The following PAK3 variants were observed in gnomAD, a reference collection of about 807,000 sequenced individuals.
PAK3 encodes p21 (RAC1) activated kinase 3, also known as serine/threonine-protein kinase PAK 3.
PAK3 carries 4 observed loss-of-function variants against 41.0 expected under a neutral mutation model. The ratio of observed to expected loss-of-function variants is 0.10; its 90% CI spans 0.05 to 0.22. The LOEUF (loss-of-function observed/expected upper bound fraction) is 0.22, where lower values mean the gene tolerates loss of function less well. Among genes scored for constraint, PAK3 ranks in the 10% least tolerant of loss-of-function variants. The pLI is 1.00. For synonymous variants in PAK3, 146 were observed against 139.6 expected (o/e 1.05, Z -0.32); for missense variants, 205 against 409.9 (o/e 0.50, Z 4.32).
chrX:111,062,576 G>A (rs1457595792), intron 1 of PAK3, among the ~76,000 whole-genome samples: 2 of 111,981 alleles, frequency 1.8e-5, no homozygotes, highest in Non-Finnish European at 3.8e-5. Context: ...TTCCCAGAGA[G>A]AGGTCTCTGG....
At chrX:111,019,374 A>G (rs756563712) in intron 1 of PAK3, among the ~76,000 whole-genome samples, 1 of 110,092 alleles carries the variant, frequency 9.1e-6, no homozygotes, top group African/African-American at 3.3e-5. Context: ...TTGTAAACTC[A>G]ACAACAACCA....
At chrX:110,954,127 A>C (rs747119863) in intron 1 of PAK3, among the ~76,000 whole-genome samples, 1 of 111,703 alleles carries the variant, frequency 9.0e-6, no homozygotes, top group Non-Finnish European at 1.9e-5. Flanking sequence ...TCTAAATGCC[A>C]AAAAGAAAGG....
intron 1 of PAK3, among the ~76,000 whole-genome samples, chrX:111,067,678 C>T (rs919627411): frequency 6.3e-5 from 7 of 111,851 alleles, no homozygotes; most frequent in African/African-American, 2.3e-4. Context: ...TATTTAATTA[C>T]TTTAATAAAT....
intron 1 of PAK3, among the ~76,000 whole-genome samples, chrX:110,977,155 C>T: frequency 9.1e-6 from 1 of 110,487 alleles, no homozygotes; most frequent in East Asian, 2.8e-4. Flanking sequence ...AAAGCATTCA[C>T]TCTTTCACCA....
At chrX:111,063,983 A>T (rs2092681147) in intron 1 of PAK3, among the ~76,000 whole-genome samples, 1 of 111,732 alleles carries the variant, frequency 8.9e-6, no homozygotes, top group Admixed American at 9.5e-5. Flanking sequence ...CTACAAAATT[A>T]TCCTGGTTTC....
chrX:111,210,542 A>C (rs2094808126), intron 16 of PAK3, among the ~76,000 whole-genome samples: 1 of 112,015 alleles, frequency 8.9e-6, no homozygotes, highest in East Asian at 2.8e-4. Context: ...CTTAGATTTT[A>C]ATAGGTCACT....
At chrX:111,044,400 A>T in intron 1 of PAK3, among the ~76,000 whole-genome samples, 1 of 112,125 alleles carries the variant, frequency 8.9e-6, no homozygotes, top group Non-Finnish European at 1.9e-5. Context: ...CCAAGGGGAA[A>T]CCTTGCTTTG....
intron 1 of PAK3, among the ~76,000 whole-genome samples, chrX:110,996,905 G>A (rs1180535487): frequency 3.6e-5 from 4 of 111,883 alleles, no homozygotes; most frequent in Non-Finnish European, 5.6e-5. Flanking sequence ...AGAATGATGA[G>A]TGCTAGGGAG....
chrX:111,188,086 A>T (rs2149303109), intron 11 of PAK3, among the ~76,000 whole-genome samples: 1 of 109,203 alleles, frequency 9.2e-6, no homozygotes, highest in East Asian at 2.9e-4. Flanking sequence ...ACCTCTGTGG[A>T]TTAGTAATTT....
chrX:110,992,277 T>A (rs886116077), intron 1 of PAK3, among the ~76,000 whole-genome samples: 8 of 111,262 alleles, frequency 7.2e-5, no homozygotes, highest in Non-Finnish European at 1.3e-4. Flanking sequence ...AAGAAGCCCA[T>A]GTTGCAGCAA....
chrX:111,199,621 A>T (rs1051776727), intron 16 of PAK3, among the ~76,000 whole-genome samples: 1 of 111,997 alleles, frequency 8.9e-6, no homozygotes. Context: ...TTATTGATTA[A>T]CAACAGCTTG....
At chrX:111,192,645 T>A in intron 13 of PAK3, 27 bp downstream of exon 13, 1 of 711,380 alleles carries the variant, frequency 1.4e-6, no homozygotes, top group Non-Finnish European at 2.2e-6. Context: ...ATTATGTACT[T>A]ATATTCTTTG....
intron 1 of PAK3, among the ~76,000 whole-genome samples, chrX:110,953,092 G>T (rs898488963): frequency 8.9e-6 from 1 of 112,035 alleles, no homozygotes; most frequent in African/African-American, 3.2e-5. Flanking sequence ...ATTGGAAATT[G>T]TCATGTTTTT....
At chrX:110,999,002 T>C (rs1436697505) in intron 1 of PAK3, among the ~76,000 whole-genome samples, 1 of 111,599 alleles carries the variant, frequency 9.0e-6, no homozygotes, top group African/African-American at 3.3e-5. Context: ...TAAGAGGGCA[T>C]GTTATATCTC....
intron 1 of PAK3, among the ~76,000 whole-genome samples, chrX:111,051,994 G>A (rs886409136): frequency 1.8e-5 from 2 of 112,064 alleles, no homozygotes; most frequent in Non-Finnish European, 3.8e-5. Context: ...GTAGGAAACC[G>A]GGAAGCCTGG....
chrX:111,080,849 G>A, intron 1 of PAK3, among the ~76,000 whole-genome samples: 1 of 112,140 alleles, frequency 8.9e-6, no homozygotes, highest in East Asian at 2.8e-4. Context: ...ATCAATGGAT[G>A]ACTGGATAAA....
chrX:111,059,182 T>C (rs1250270333), intron 1 of PAK3, among the ~76,000 whole-genome samples: 1 of 107,493 alleles, frequency 9.3e-6, no homozygotes. Context: ...TTGTTTGTTA[T>C]GTTTTTGATA....
intron 5 of PAK3, among the ~76,000 whole-genome samples, chrX:111,137,139 A>G (rs915174556): frequency 8.9e-6 from 1 of 112,151 alleles, no homozygotes; most frequent in South Asian, 3.7e-4. Flanking sequence ...GCACTTGGCC[A>G]GGAGAACTAG....
intron 16 of PAK3, among the ~76,000 whole-genome samples, chrX:111,210,696 T>C: frequency 8.9e-6 from 1 of 112,189 alleles, no homozygotes; most frequent in Non-Finnish European, 1.9e-5. Context: ...AAATCCACAG[T>C]TGGTTATAAC....
Sources: gnomAD v4.1 joint callset for allele counts (sites outside exome capture counted in the v4.1 genomes callset) on GRCh38, gnomAD v4.1.1 for gene constraint, MANE v1.5 for transcripts, NCBI Gene and HGNC (gene_info 2026-07-23, HGNC 2026-07-21) for gene names.